Variants in SLC12A8 observed in about 807,000 individuals in gnomAD.
SLC12A8 encodes solute carrier family 12 member 8.
In SLC12A8, 69 loss-of-function variants were observed where a neutral mutation model predicts 75.6. The ratio of observed to expected loss-of-function variants is 0.91; its 90% CI spans 0.75 to 1.11. The LOEUF is 1.11. Ranked by LOEUF, SLC12A8 falls within the 50% of genes most tolerant of loss-of-function variation. SLC12A8 has a pLI of 0.00. For synonymous variants in SLC12A8, 365 were observed against 372.8 expected (o/e 0.98, Z 0.24); for missense variants, 877 against 896.7 (o/e 0.98, Z 0.28).
chr3:125,194,151 G>C (rs1934960565), intron 2 of SLC12A8, among the ~76,000 whole-genome samples: 1 of 152,226 alleles, frequency 6.6e-6, no homozygotes, highest in South Asian at 2.1e-4. Flanking sequence ...CTGAGGGCAA[G>C]AGTCCTCTCC....
chr3:125,133,895 C>A (rs1560062894), intron 6 of SLC12A8, among the ~76,000 whole-genome samples: 1 of 152,020 alleles, frequency 6.6e-6, no homozygotes, highest in African/African-American at 2.4e-5. Context: ...TTCATCCCCC[C>A]AAAGTTTCCT....
intron 12 of SLC12A8, among the ~76,000 whole-genome samples, chr3:125,090,546 C>T (rs552862351): frequency 6.6e-5 from 10 of 152,256 alleles, no homozygotes; most frequent in African/African-American, 2.2e-4. Context: ...GTGAACTTTT[C>T]TATTTCTTCC....
chr3:125,161,660 T>C (rs1053172544), intron 5 of SLC12A8, among the ~76,000 whole-genome samples: 2 of 147,160 alleles, frequency 1.4e-5, no homozygotes, highest in Non-Finnish European at 3.0e-5. Flanking sequence ...ACAGGTAATA[T>C]GAAGCACATG....
At chr3:125,144,145 C>T (rs1423467702) in intron 5 of SLC12A8, among the ~76,000 whole-genome samples, 1 of 152,192 alleles carries the variant, frequency 6.6e-6, no homozygotes, top group East Asian at 1.9e-4. Context: ...TGAGGAGACA[C>T]TAGGTTCTCA....
chr3:125,105,735 A>G (rs566291674), intron 10 of SLC12A8, among the ~76,000 whole-genome samples: 1 of 152,222 alleles, frequency 6.6e-6, no homozygotes, highest in African/African-American at 2.4e-5. Context: ...GTGGCATATA[A>G]GAGTTAAATC....
chr3:125,107,420 G>C, intron 10 of SLC12A8, 61 bp downstream of exon 10: 1 of 1,433,702 alleles, frequency 7.0e-7, no homozygotes, highest in East Asian at 2.3e-5. Context: ...TAACTGGGTA[G>C]GTAGGATAAT....
chr3:125,193,283 T>A (rs1934942096), intron 2 of SLC12A8, among the ~76,000 whole-genome samples: 1 of 152,142 alleles, frequency 6.6e-6, no homozygotes, highest in Non-Finnish European at 1.5e-5. Context: ...GGCATGAGAA[T>A]CACTTGAACC....
At chr3:125,125,196 G>C (rs748672933) in intron 6 of SLC12A8, among the ~76,000 whole-genome samples, 2 of 150,930 alleles carry the variant, frequency 1.3e-5, no homozygotes, top group Non-Finnish European at 2.9e-5. Context: ...GAAACACTCA[G>C]TGCCCATTTT....
intron 10 of SLC12A8, among the ~76,000 whole-genome samples, chr3:125,098,412 C>G (rs1213806969): frequency 3.3e-5 from 5 of 152,140 alleles, no homozygotes; most frequent in Admixed American, 2.6e-4. Flanking sequence ...CCTTGATAAA[C>G]AGTTCCCTCA....
At chr3:125,117,533 C>T (rs959933371) in intron 8 of SLC12A8, among the ~76,000 whole-genome samples, 2 of 151,828 alleles carry the variant, frequency 1.3e-5, no homozygotes, top group Non-Finnish European at 2.9e-5. Context: ...GAAGTTGAGG[C>T]TGTAATGAGC....
intron 4 of SLC12A8, among the ~76,000 whole-genome samples, chr3:125,179,726 AG>A (rs1934612183): frequency 6.6e-6 from 1 of 151,776 alleles, no homozygotes; most frequent in African/African-American, 2.4e-5. Flanking sequence ...AGAGAGAGAG[AG>A]AGAGAAAGAG....
chr3:125,107,793 G>C lies in SLC12A8; in HGVS notation c.1393C>G (p.Leu465Val), dbSNP rs751640060. 1.4e-5 allele frequency: 23 copies of C among 1,614,072 alleles called. 2 individuals carry two copies. The South Asian group carries it at 2.5e-4, about 18-fold the overall frequency. Reference protein sequence around the residue: ...LLEFTKDMDQLLQLTRKLESS... With the variant: ...LLEFTKDMDQVLQLTRKLESS... ...TCAAGCTTCCTGGTTAGCTGGAGGA[G>C]CTGATCCATGTCCTTGGTGAATTCC... Residue 465 changes from leucine to valine, a missense_variant, in exon 10 of 14, where the codon CTC becomes GTC. Physicochemically the swap from Leu to Val is conservative, Grantham distance 32. Transcript: ENST00000469902.
At chr3:125,212,316 C>A (rs1935352033) in intron 1 of SLC12A8, among the ~76,000 whole-genome samples, 1 of 152,156 alleles carries the variant, frequency 6.6e-6, no homozygotes, top group South Asian at 2.1e-4. Flanking sequence ...AGCCAGAGCA[C>A]CCGGGTGTCC....
intron 2 of SLC12A8, among the ~76,000 whole-genome samples, chr3:125,205,954 G>C (rs576737415): frequency 1.3e-5 from 2 of 152,124 alleles, no homozygotes; most frequent in African/African-American, 2.4e-5. Flanking sequence ...CTTAAAAAGA[G>C]GGGCTTCAAG....
chr3:125,196,548 A>C (rs1248488207), intron 2 of SLC12A8, among the ~76,000 whole-genome samples: 7 of 152,250 alleles, frequency 4.6e-5, no homozygotes, highest in Admixed American at 3.3e-4. Context: ...TAGACGTATT[A>C]GTATGAATTT....
At chr3:125,121,235 A>T (rs1301522757) in intron 6 of SLC12A8, among the ~76,000 whole-genome samples, 1 of 152,258 alleles carries the variant, frequency 6.6e-6, no homozygotes, top group Admixed American at 6.5e-5. Flanking sequence ...GCTCCTTTTC[A>T]TCATCACCTC....
chr3:125,174,200 T>C (rs1225615173), intron 5 of SLC12A8, among the ~76,000 whole-genome samples: 3 of 152,220 alleles, frequency 2.0e-5, no homozygotes, highest in African/African-American at 7.2e-5. Flanking sequence ...AAAGGTGATA[T>C]ACAGATGGCA....
intron 5 of SLC12A8, among the ~76,000 whole-genome samples, chr3:125,143,744 G>A (rs1048850263): frequency 6.6e-6 from 1 of 152,204 alleles, no homozygotes; most frequent in Admixed American, 6.5e-5. Context: ...ACAGTGGGAA[G>A]GACCCCCAGG....
chr3:125,135,617 C>A, intron 6 of SLC12A8, 52 bp downstream of exon 6: 3 of 1,235,522 alleles, frequency 2.4e-6, no homozygotes, highest in East Asian at 2.4e-5. Flanking sequence ...ATTTTGGAAC[C>A]AAGAATGTAT....
Sources: gnomAD v4.1 joint callset for allele counts (sites outside exome capture counted in the v4.1 genomes callset) on GRCh38, gnomAD v4.1.1 for gene constraint, MANE v1.5 for transcripts, NCBI Gene and HGNC (gene_info 2026-07-23, HGNC 2026-07-21) for gene names.